Variants in SLC14A2 observed in about 807,000 individuals in gnomAD.
SLC14A2 encodes solute carrier family 14 member 2.
Under a neutral mutation model 104.6 loss-of-function variants are expected in SLC14A2, and 91 were observed. That is an observed-to-expected ratio of 0.87 (90% CI 0.73 to 1.04). The LOEUF (loss-of-function observed/expected upper bound fraction) is 1.04, where lower values mean the gene tolerates loss of function less well. Ranked by LOEUF, SLC14A2 falls within the 50% of genes least tolerant of loss-of-function variation. SLC14A2 has a pLI of 0.00. For synonymous variants in SLC14A2, 476 were observed against 466.4 expected (o/e 1.02, Z -0.27); for missense variants, 1,189 against 1,156.0 (o/e 1.03, Z -0.41).
intron 2 of SLC14A2, among the ~76,000 whole-genome samples, chr18:45,601,317 A>G (rs192047207): frequency 6.6e-6 from 1 of 152,208 alleles, no homozygotes; most frequent in African/African-American, 2.4e-5. Context: ...GTACAATTCT[A>G]ACAAAGCCTT....
chr18:45,288,117 G>A (rs1036076612), intron 1 of SLC14A2, among the ~76,000 whole-genome samples: 1 of 152,198 alleles, frequency 6.6e-6, no homozygotes, highest in Middle Eastern at 3.2e-3. Flanking sequence ...AGCTTAAAAT[G>A]AGATGAAGAA....
At chr18:45,342,733 A>G (rs1196803791) in intron 1 of SLC14A2, among the ~76,000 whole-genome samples, 1 of 152,220 alleles carries the variant, frequency 6.6e-6, no homozygotes, top group Admixed American at 6.5e-5. Context: ...ATTGAGCCAG[A>G]CTTGGTGTTG....
At chr18:45,216,096 C>CT (rs1004785111) in intron 1 of SLC14A2, among the ~76,000 whole-genome samples, 4 of 152,108 alleles carry the variant, frequency 2.6e-5, no homozygotes, top group Admixed American at 6.6e-5. Context: ...AAAGAATAAA[C>CT]TTTTTTTCCC....
chr18:45,324,404 C>T (rs1038441668), intron 1 of SLC14A2, among the ~76,000 whole-genome samples: 3 of 152,136 alleles, frequency 2.0e-5, no homozygotes, highest in Non-Finnish European at 4.4e-5. Flanking sequence ...TCTCTAAGTC[C>T]TTTTTTATTC....
At chr18:45,513,187 A>G (rs1255276203) in intron 2 of SLC14A2, among the ~76,000 whole-genome samples, 2 of 152,170 alleles carry the variant, frequency 1.3e-5, no homozygotes, top group East Asian at 1.9e-4. Flanking sequence ...CTTCTGGAGC[A>G]TATCTTCATC....
At chr18:45,299,292 A>G (rs1356633653) in intron 1 of SLC14A2, among the ~76,000 whole-genome samples, 2 of 152,184 alleles carry the variant, frequency 1.3e-5, no homozygotes, top group Non-Finnish European at 2.9e-5. Flanking sequence ...CTATGTAAAG[A>G]CTGAGAATTA....
chr18:45,399,229 A>T (rs2086068962), intron 1 of SLC14A2, among the ~76,000 whole-genome samples: 1 of 152,194 alleles, frequency 6.6e-6, no homozygotes, highest in Non-Finnish European at 1.5e-5. Flanking sequence ...AGTTTATGCT[A>T]CACCTGGTAG....
intron 1 of SLC14A2, among the ~76,000 whole-genome samples, chr18:45,280,207 T>C (rs1172477144): frequency 1.3e-5 from 2 of 152,122 alleles, no homozygotes; most frequent in Non-Finnish European, 2.9e-5. Context: ...CTTCCTGACC[T>C]CAATGGGGTT....
At chr18:45,601,118 C>T (rs2044785425) in intron 2 of SLC14A2, among the ~76,000 whole-genome samples, 1 of 152,224 alleles carries the variant, frequency 6.6e-6, no homozygotes, top group African/African-American at 2.4e-5. Context: ...TGCCTCCCCT[C>T]AGGATGATCA....
intron 1 of SLC14A2, among the ~76,000 whole-genome samples, chr18:45,288,008 G>A (rs1010969235): frequency 3.3e-5 from 5 of 152,196 alleles, no homozygotes; most frequent in African/African-American, 1.2e-4. Context: ...TGAGCAAGTT[G>A]CTTTAATTCT....
chr18:45,177,651 C>A, the SLC14A2 span, among the ~76,000 whole-genome samples: 5 of 152,092 alleles, frequency 3.3e-5, no homozygotes, highest in African/African-American at 9.7e-5. Context: ...TGATCACTTC[C>A]AATATTCACT....
At chr18:45,548,146 T>C (rs1186222645) in intron 2 of SLC14A2, among the ~76,000 whole-genome samples, 1 of 152,026 alleles carries the variant, frequency 6.6e-6, no homozygotes, top group Non-Finnish European at 1.5e-5. Context: ...GTGAAGTGAA[T>C]GTAGGGACTG....
At chr18:45,514,547 C>T (rs2043410829) in intron 2 of SLC14A2, among the ~76,000 whole-genome samples, 1 of 152,132 alleles carries the variant, frequency 6.6e-6, no homozygotes, top group Non-Finnish European at 1.5e-5. Flanking sequence ...TGTAGATGAA[C>T]TTGATGTATT....
the SLC14A2 span, among the ~76,000 whole-genome samples, chr18:45,207,407 GAGAGAAAGAGAGAAAGAAAAA>G: frequency 3.3e-5 from 5 of 150,594 alleles, no homozygotes; most frequent in Non-Finnish European, 7.4e-5. Context: ...GAGGAAAAGA[GAGAGAAAGAGAGAAAGAAAAA>G]AGAGAAAGAG....
intron 1 of SLC14A2, among the ~76,000 whole-genome samples, chr18:45,620,724 A>C (rs538541074): frequency 6.6e-6 from 1 of 152,084 alleles, no homozygotes; most frequent in Non-Finnish European, 1.5e-5. Context: ...CCCATTCTCA[A>C]CTCCTACCTG....
intron 1 of SLC14A2, among the ~76,000 whole-genome samples, chr18:45,258,543 A>C (rs1054392024): frequency 3.5e-5 from 5 of 143,374 alleles, no homozygotes; most frequent in Admixed American, 3.4e-4. Context: ...TAAGCTAGGT[A>C]CTTTTGTCTT....
intron 1 of SLC14A2, among the ~76,000 whole-genome samples, chr18:45,383,055 G>C (rs992092823): frequency 6.6e-6 from 1 of 152,176 alleles, no homozygotes; most frequent in African/African-American, 2.4e-5. Flanking sequence ...AGACTGCTTG[G>C]CTTCATTTGT....
chr18:45,203,354 A>T, the SLC14A2 span, among the ~76,000 whole-genome samples: 1 of 152,190 alleles, frequency 6.6e-6, no homozygotes, highest in Non-Finnish European at 1.5e-5. Flanking sequence ...TACTCTTCTC[A>T]AAACCATCAC....
At chr18:45,678,594 G>A (rs534501767) in intron 18 of SLC14A2, among the ~76,000 whole-genome samples, 1 of 152,302 alleles carries the variant, frequency 6.6e-6, no homozygotes, top group African/African-American at 2.4e-5. Context: ...CCCATATTAT[G>A]TTAATAACTT....
Sources: allele counts gnomAD v4.1 joint callset (sites outside exome capture counted in the v4.1 genomes callset), GRCh38; gene constraint gnomAD v4.1.1; transcripts MANE v1.5; gene names NCBI Gene and HGNC (gene_info 2026-07-23, HGNC 2026-07-21).